KCTD1: variants seen among roughly 807,000 people sequenced by gnomAD.
The protein encoded by KCTD1 is potassium channel tetramerization domain containing 1, also known as BTB/POZ domain-containing protein KCTD1.
KCTD1 carries 24 observed loss-of-function variants against 66.0 expected under a neutral mutation model. The observed-to-expected ratio is 0.36, with a 90% confidence interval of 0.26 to 0.51. The LOEUF (loss-of-function observed/expected upper bound fraction) is 0.51. KCTD1 is among the 20% of genes least tolerant of loss of function. KCTD1 has a pLI of 0.95. For missense variants in KCTD1, 943 were observed against 1,205.2 expected, an observed-to-expected ratio of 0.78 and a Z score of 3.22; for synonymous variants, 511 against 517.2, an observed-to-expected ratio of 0.99 and a Z score of 0.16.
chr18:26,646,554 G>T (rs890157142), intron 1 of KCTD1, among the ~76,000 whole-genome samples: 1 of 152,120 alleles, frequency 6.6e-6, no homozygotes, highest in Non-Finnish European at 1.5e-5. Context: ...TTTATAGTTT[G>T]CAGAAGAGCT....
intron 1 of KCTD1, among the ~76,000 whole-genome samples, chr18:26,596,121 C>T (rs1199170089): frequency 6.6e-6 from 1 of 152,128 alleles, no homozygotes; most frequent in African/African-American, 2.4e-5. Flanking sequence ...TTGTATCCCC[C>T]ACAGATTCAT....
chr18:26,571,737 T>C (rs1017738683), intron 1 of KCTD1, among the ~76,000 whole-genome samples: 2 of 152,324 alleles, frequency 1.3e-5, no homozygotes, highest in Middle Eastern at 3.4e-3. Flanking sequence ...TCTTGGATCA[T>C]AAATATGGTA....
Position 26,455,028 on chromosome 18 carries a change from G to A in KCTD1, c.*715C>T, listed in dbSNP as rs749589731. ...AATACATTATAAAATTTGAAAAATT[G>A]TAGGAAAGCAGCAGACTTGAACTGG... On this transcript the variant is annotated 3_prime_UTR_variant, in exon 5 of 5. Transcript: ENST00000580059. 1 of 152,754 alleles carries A rather than the reference G, an allele frequency of 6.5e-6. No homozygotes were observed. The highest frequency in any genetic ancestry group is 1.9e-4 in the East Asian group (1 of 5,192). 9.5% of individuals were successfully genotyped at this position (152,754 alleles called of 1,614,324 possible). A position where few individuals can be genotyped will look rare whatever the true frequency, so the allele number is the denominator to read the frequency against.
At chr18:26,641,830 G>T (rs545615617), upstream of KCTD1, among the ~76,000 whole-genome samples, 1 of 152,092 alleles carries the variant, frequency 6.6e-6, no homozygotes, top group African/African-American at 2.4e-5. Context: ...ATTTCACCTT[G>T]GGTTCCTTCA....
chr18:26,514,354 A>G (rs1567975794), intron 1 of KCTD1, among the ~76,000 whole-genome samples: 1 of 152,024 alleles, frequency 6.6e-6, no homozygotes, highest in Non-Finnish European at 1.5e-5. Flanking sequence ...GGAGTTCGAG[A>G]CCAGCCTGGG....
chr18:26,553,017 G>A (rs1228412969), upstream of KCTD1, among the ~76,000 whole-genome samples: 1 of 148,590 alleles, frequency 6.7e-6, no homozygotes, highest in African/African-American at 2.5e-5. Context: ...TTGAGACAGG[G>A]TCTTACTCTT....
rs1470138730 is a variant in KCTD1 at position 26,493,686 on chromosome 18, T to C, written c.1988+7386A>G. Reference sequence around the variant, plus strand: ...GGGTATCCATCCCCTCGAGCATTTATCCTTTGCATTACAAACAATCCAATT... The same window carrying C: ...GGGTATCCATCCCCTCGAGCATTTACCCTTTGCATTACAAACAATCCAATT... On this transcript the variant is annotated intron_variant, in intron 2 of 4. Transcript: ENST00000580059. Among the ~76,000 whole-genome samples the C allele has an allele frequency of 3.3e-5, 5 of 152,326 alleles. No individual in the cohort carries two copies. In the East Asian group the frequency reaches 5.8e-4, roughly 18 times the overall value.
intron 1 of KCTD1, among the ~76,000 whole-genome samples, chr18:26,562,447 C>T (rs1047163359): frequency 6.8e-5 from 2 of 29,622 alleles, no homozygotes; most frequent in Non-Finnish European, 1.3e-4. Flanking sequence ...GGGGTGGGGG[C>T]GGGGGGTTCT....
chr18:26,601,495 T>C (rs980321988), intron 1 of KCTD1, among the ~76,000 whole-genome samples: 11 of 152,112 alleles, frequency 7.2e-5, no homozygotes, highest in Non-Finnish European at 1.5e-4. Flanking sequence ...AGTTCTTAAA[T>C]TGAGGAAAGT....
At chr18:26,574,260 G>T (rs1598947983) in intron 1 of KCTD1, among the ~76,000 whole-genome samples, 3 of 152,218 alleles carry the variant, frequency 2.0e-5, no homozygotes, top group Admixed American at 2.0e-4. Flanking sequence ...TAAACACACG[G>T]CTCCTTTTAT....
intron 2 of KCTD1, among the ~76,000 whole-genome samples, chr18:26,485,672 T>C (rs779203057): frequency 6.6e-6 from 1 of 152,126 alleles, no homozygotes; most frequent in East Asian, 1.9e-4. Flanking sequence ...GTTTAGGTTT[T>C]CCCTTGCTTT....
chr18:26,578,727 T>C (rs1201296674), intron 1 of KCTD1, among the ~76,000 whole-genome samples: 1 of 152,170 alleles, frequency 6.6e-6, no homozygotes, highest in Non-Finnish European at 1.5e-5. Context: ...TAATCATAAT[T>C]ACATATGACT....
Position 26,547,626 on chromosome 18 carries a change from A to G in KCTD1, c.911T>C (p.Phe304Ser), listed in dbSNP as rs756954241. 1 of 1,551,566 alleles carries G rather than the reference A, an allele frequency of 6.4e-7. No homozygotes were observed. Among genetic ancestry groups the G allele is most frequent in the Non-Finnish European group, 8.7e-7 (1 of 1,146,928 alleles). The change falls in exon 1 of 5, where the codon TTC (phenylalanine) becomes TCC (serine). Residue 304 changes from phenylalanine (F) to serine (S), a missense_variant. This residue lies in a region of KCTD1 where 61 missense variants were observed against 109.6 expected (regional missense o/e 0.56). Transcript: ENST00000580059. ...GAACCAGACCTTGTTGAGCAGCCCG[A>G]AGGGCGTGTTGGTGCTGAAGACGCT... ...TSSVFSTNTP[F>S]GLLNKVWFET...
At chr18:26,651,798 A>AG (rs1568021419) in intron 1 of KCTD1, among the ~76,000 whole-genome samples, 27 of 142,910 alleles carry the variant, frequency 1.9e-4, no homozygotes, top group African/African-American at 6.8e-4. Context: ...AAAAAAAAAA[A>AG]AAAGAAGAAG....
At chr18:26,494,568 G>A (rs1233169219) in intron 2 of KCTD1, among the ~76,000 whole-genome samples, 1 of 152,162 alleles carries the variant, frequency 6.6e-6, no homozygotes, top group African/African-American at 2.4e-5. Flanking sequence ...CTGAAGGACT[G>A]GCTTTTCAGC....
At chr18:26,549,733 A>T (rs1985473099), upstream of KCTD1, 1 of 985,276 alleles carries the variant, frequency 1.0e-6, no homozygotes, top group Non-Finnish European at 1.2e-6. Flanking sequence ...TCTCACTCAA[A>T]GTTTGCCAAC....
At chr18:26,559,756 T>C (rs1372003705) in intron 1 of KCTD1, among the ~76,000 whole-genome samples, 2 of 152,166 alleles carry the variant, frequency 1.3e-5, no homozygotes, top group East Asian at 3.8e-4. Flanking sequence ...AAATATCAAC[T>C]TCCTTTCCAA....
In KCTD1 at chr18:26,568,666, ATAAAG is replaced by A. The variant is rs1457796390; in HGVS notation, c.-16+60476_-16+60480del. 2.6e-5 allele frequency among the ~76,000 whole-genome samples: 4 copies of A among 152,358 alleles called. 1 individual carries two copies. Among genetic ancestry groups the A allele is most frequent in the Admixed American group, 1.3e-4 (2 of 15,300 alleles). On this transcript the variant is annotated intron_variant, in intron 1 of 4. Transcript: ENST00000317932. ...CACTGTAGAATAGTACAAATAAAAA[ATAAAG>A]TAATTAACATGATCCATGGAGAGCT... is the stretch of plus-strand genomic sequence containing the variant.
intron 1 of KCTD1, 73 bp from the exon 2 acceptor site, chr18:26,501,323 A>G (rs1000383358): frequency 8.0e-6 from 10 of 1,253,310 alleles, no homozygotes; most frequent in South Asian, 3.4e-5. Flanking sequence ...TATAGCATAA[A>G]GAATAAACGA....
Sources: gnomAD v4.1 joint callset for allele counts (sites outside exome capture counted in the v4.1 genomes callset) on GRCh38, gnomAD v4.1.1 for gene constraint, gnomAD v4.1.1 regional missense constraint, MANE v1.5 for transcripts, NCBI Gene and HGNC (gene_info 2026-07-23, HGNC 2026-07-21) for gene names.